The following KNDC1 variants were observed in gnomAD, a reference collection of about 807,000 sequenced individuals.
KNDC1 encodes the protein kinase non-catalytic C-lobe domain containing 1.
A neutral mutation model predicts 172.8 loss-of-function variants in KNDC1; 106 were observed. That is an observed-to-expected ratio of 0.61 (90% CI 0.52 to 0.72). The LOEUF is 0.72. KNDC1 is among the 30% of genes least tolerant of loss of function. The pLI is 0.00. For missense variants in KNDC1, 2,325 were observed against 2,394.5 expected, an observed-to-expected ratio of 0.97 and a Z score of 0.61; for synonymous variants, 1,083 against 1,062.2, an observed-to-expected ratio of 1.02 and a Z score of -0.38.
chr10:133,190,877 G>A (rs571163009), intron 9 of KNDC1, among the ~76,000 whole-genome samples: 5 of 152,346 alleles, frequency 3.3e-5, no homozygotes, highest in Admixed American at 1.3e-4. Flanking sequence ...AACCGCGTCC[G>A]TGAGGCTGCA....
At chr10:133,167,305 G>A (rs960954460) in intron 1 of KNDC1, 76 bp from the exon 2 acceptor site, 24 of 1,408,786 alleles carry the variant, frequency 1.7e-5, no homozygotes, top group Non-Finnish European at 2.3e-5. Context: ...CGTTTCCCCA[G>A]GGAATCGTCT....
At position 133,199,556 on chromosome 10, in the gene KNDC1, C is replaced by G; in HGVS notation, c.2857C>G (p.Gln953Glu). 1 of 1,613,880 alleles carries G rather than the reference C, an allele frequency of 6.2e-7. No individual in the cohort carries two copies. Among genetic ancestry groups the G allele is most frequent in the East Asian group, 2.2e-5 (1 of 44,880 alleles). Reference protein sequence around the residue: ...CDLYWDEKLLQNLFKVVNGQA... With the variant: ...CDLYWDEKLLENLFKVVNGQA... ...CCTGTACTGGGATGAGAAGTTGCTG[C>G]AGAACCTCTTTAAGGTGGTCAACGG... The change falls in exon 15 of 30, where the codon CAG becomes GAG. Residue 953 changes from glutamine (Q) to glutamate (E), a missense_variant. Coordinates refer to ENST00000304613, the MANE Select transcript of KNDC1 (RefSeq NM_152643.8).
Position 133,201,776 on chromosome 10 carries a change from T to C in KNDC1, c.3265T>C (p.Cys1089Arg). 6.4e-7 allele frequency: 1 copy of C among 1,551,662 alleles called. No individual in the cohort carries two copies. Among genetic ancestry groups the C allele is most frequent in the Non-Finnish European group, 8.7e-7 (1 of 1,150,984 alleles). ...CCCCGGCCCAGCCGGATTCCAGAGCTGCAGCCCCGGCTGGTGCAGCGCCTT... is the reference window on the plus strand; with the variant it reads ...CCCCGGCCCAGCCGGATTCCAGAGCCGCAGCCCCGGCTGGTGCAGCGCCTT... ...LSPGPAGFQS[C>R]SPGWCSAFYE... Residue 1089 changes from cysteine (C) to arginine (R), a missense_variant, in exon 17 of 30, where the codon TGC (cysteine) becomes CGC (arginine). Physicochemically the swap from Cys to Arg is radical, Grantham distance 180. Transcript: ENST00000304613.
intron 14 of KNDC1, 89 bp downstream of exon 14, chr10:133,199,355 G>A (rs751772908): frequency 3.1e-5 from 48 of 1,560,218 alleles, no homozygotes; most frequent in Middle Eastern, 3.4e-4. Flanking sequence ...CCTTCCCCCA[G>A]CCCCCCAGCC....
intron 17 of KNDC1, among the ~76,000 whole-genome samples, chr10:133,205,919 G>A (rs1047640082): frequency 9.9e-5 from 15 of 152,128 alleles, no homozygotes; most frequent in East Asian, 5.8e-4. Context: ...AATAAAAAAC[G>A]GCCAGGCGTG....
Position 133,195,727 on chromosome 10 carries a change from A to G in KNDC1, c.1640A>G (p.His547Arg), listed in dbSNP as rs140102453. ...TAAKFSVPRN[H>R]KLALPRRLKT... ...GCCAAGTTCAGCGTCCCCCGCAACCACAAGCTGGCCCTGCCACGCAGGCTC... is the reference window on the plus strand; with the variant it reads ...GCCAAGTTCAGCGTCCCCCGCAACCGCAAGCTGGCCCTGCCACGCAGGCTC... The change falls in exon 10 of 30, where the codon CAC becomes CGC. Residue 547 changes from histidine to arginine, a missense_variant. Transcript: ENST00000304613. 1 of 1,612,464 alleles carries G rather than the reference A, an allele frequency of 6.2e-7. No homozygotes were observed.
chr10:133,170,449 A>T (rs116108589), intron 3 of KNDC1, among the ~76,000 whole-genome samples: 208 of 152,234 alleles, frequency 1.4e-3, no homozygotes, highest in African/African-American at 4.7e-3. Flanking sequence ...CACACACAGG[A>T]CAGCACCGCG....
At chr10:133,194,147 A>C (rs530985146) in intron 9 of KNDC1, among the ~76,000 whole-genome samples, 22 of 152,324 alleles carry the variant, frequency 1.4e-4, no homozygotes, top group African/African-American at 5.3e-4. Flanking sequence ...CCCACTGACT[A>C]TACACCAAGC....
intron 10 of KNDC1, among the ~76,000 whole-genome samples, chr10:133,196,571 G>T (rs1035729864): frequency 1.3e-5 from 2 of 152,208 alleles, no homozygotes; most frequent in African/African-American, 2.4e-5. Flanking sequence ...GACCCTGTGG[G>T]CCTCTCAGGC....
At chr10:133,160,597 C>T (rs1304797923) in intron 1 of KNDC1, 28 bp downstream of exon 1, 2 of 1,495,168 alleles carry the variant, frequency 1.3e-6, no homozygotes, top group African/African-American at 1.4e-5. Context: ...CTGGGGGGCC[C>T]CTTCCGCCGC....
chr10:133,164,487 G>A (rs888635392), intron 1 of KNDC1, among the ~76,000 whole-genome samples: 3 of 152,194 alleles, frequency 2.0e-5, no homozygotes, highest in African/African-American at 7.2e-5. Flanking sequence ...CGCAGGAGGC[G>A]GCGCTGGGCA....
In KNDC1 at chr10:133,218,431, G is replaced by C. The variant is rs901128428; in HGVS notation, c.4678-400G>C. 7.2e-5 allele frequency among the ~76,000 whole-genome samples: 11 copies of C among 152,328 alleles called. 1 individual carries two copies. The South Asian group carries it at 1.9e-3, about 26-fold the overall frequency. On this transcript the variant is annotated intron_variant, in intron 26 of 29. Transcript: ENST00000304613. The stretch of plus-strand genomic sequence containing the variant: ...ACGGGCTTGGCGCAGCGGGTTGGGG[G>C]GTGGGCACGGAGCTGCCTGTGGCTC...
Position 133,189,797 on chromosome 10 carries a change from G to A in KNDC1, c.1559G>A (p.Arg520Lys), listed in dbSNP as rs1854028753. 6.2e-7 allele frequency: 1 copy of A among 1,613,888 alleles called. No individual in the cohort carries two copies. Among genetic ancestry groups the A allele is most frequent in the African/African-American group, 1.3e-5 (1 of 75,044 alleles). The change falls in exon 9 of 30, where the codon AGG becomes AAG. Residue 520 changes from arginine to lysine, a missense_variant. Transcript: ENST00000304613. Reference protein sequence around the residue: ...FFLAPELAEERLVTEKASVYC... With the variant: ...FFLAPELAEEKLVTEKASVYC... ...CTGGCTCCCGAGCTGGCAGAGGAGAGGCTGGTAACTGAAAAGGTACCCGGG... is the reference window on the plus strand; with the variant it reads ...CTGGCTCCCGAGCTGGCAGAGGAGAAGCTGGTAACTGAAAAGGTACCCGGG...
chr10:133,218,256 C>T (rs1268413637), intron 26 of KNDC1, among the ~76,000 whole-genome samples: 1 of 152,210 alleles, frequency 6.6e-6, no homozygotes, highest in African/African-American at 2.4e-5. Flanking sequence ...TTTGGGACTG[C>T]TCAGAATAGG....
In KNDC1 at chr10:133,167,586, C is replaced by T. The variant is rs755275661; in HGVS notation, c.301+7C>T. On this transcript the variant is annotated splice_region_variant and intron_variant, in intron 2 of 29. Transcript: ENST00000304613. ...TTCATGGAGCAGCTCAGCGGTGAGG[C>T]GGCGGTGGCGGTGGCGGCGGCGGCG... is the stretch of plus-strand genomic sequence containing the variant. The T allele has an allele frequency of 2.2e-5, 35 of 1,574,340 alleles. No individual in the cohort carries two copies. The South Asian group carries it at 2.5e-4, about 11-fold the overall frequency.
At chr10:133,206,824 C>A (rs1241449868) in intron 18 of KNDC1, 32 bp from the exon 19 acceptor site, 2 of 1,612,650 alleles carry the variant, frequency 1.2e-6, no homozygotes, top group Non-Finnish European at 1.7e-6. Context: ...CTGCAGGCAG[C>A]CCGGCCCCCA....
At chr10:133,199,740 C>G in intron 15 of KNDC1, 138 bp downstream of exon 15, 1 of 1,000,512 alleles carries the variant, frequency 1.0e-6, no homozygotes. Context: ...AGGGGCTACC[C>G]TTGGTGGAGA....
rs746135683 is a variant in KNDC1, at chr10:133,213,722, C to T, written c.4521C>T (p.Ile1507=). ...ALGVMDKSTA[I]PKASSSESLS... Reference sequence around the variant, plus strand: ...GCGTCATGGACAAGAGCACTGCCATCCCCAAGTGAGCGTCCGGGACCCTCA... The same window carrying T: ...GCGTCATGGACAAGAGCACTGCCATTCCCAAGTGAGCGTCCGGGACCCTCA... The change falls in exon 25 of 30, where the codon ATC becomes ATT. Residue 1507 remains isoleucine (I), a synonymous_variant. Coordinates refer to ENST00000304613, the MANE Select transcript of KNDC1 (RefSeq NM_152643.8). The T allele has an allele frequency of 1.9e-6, 3 of 1,613,804 alleles. No homozygotes were observed. The East Asian group carries it at 6.7e-5, about 36-fold the overall frequency.
intron 26 of KNDC1, among the ~76,000 whole-genome samples, chr10:133,215,532 G>C (rs988795704): frequency 6.6e-6 from 1 of 152,260 alleles, no homozygotes; most frequent in Non-Finnish European, 1.5e-5. Context: ...CAGATCCATG[G>C]TTTTCACCAT....
Sources: gnomAD v4.1 joint callset for allele counts (sites outside exome capture counted in the v4.1 genomes callset) on GRCh38, gnomAD v4.1.1 for gene constraint, MANE v1.5 for transcripts, NCBI Gene and HGNC (gene_info 2026-07-23, HGNC 2026-07-21) for gene names.